The following FNBP1 variants were observed in gnomAD, a reference collection of about 807,000 sequenced individuals.
FNBP1 encodes the protein formin binding protein 1.
Under a neutral mutation model 90.6 loss-of-function variants are expected in FNBP1, and 26 were observed. That is an observed-to-expected ratio of 0.29 (90% confidence interval 0.21 to 0.40). The LOEUF is 0.40. Among genes scored for constraint, FNBP1 ranks in the 10% least tolerant of loss-of-function variants. The pLI, the probability that FNBP1 is intolerant of heterozygous loss-of-function variation, is 1.00. For missense variants in FNBP1, 635 were observed against 768.0 expected (o/e 0.83, Z 2.05); for synonymous variants, 260 against 265.2 (o/e 0.98, Z 0.19).
At chr9:130,025,106 G>A (rs2058216332) in intron 1 of FNBP1, among the ~76,000 whole-genome samples, 1 of 152,030 alleles carries the variant, frequency 6.6e-6, no homozygotes, top group South Asian at 2.1e-4. Context: ...CTTGAACCCA[G>A]AAGGTGGAGG....
At position 130,042,469 on chromosome 9, in the gene FNBP1, C is replaced by T. The variant is rs551362298; in HGVS notation, c.24+483G>A. ...AAAACCCGACCCCCGGCGCTCGCCC[C>T]GGCCGCCCCGCTCCCGGGGAAGTGC... On this transcript the variant is annotated intron_variant, in intron 1 of 16. Coordinates refer to ENST00000446176, the MANE Select transcript of FNBP1 (RefSeq NM_015033.3). The surrounding 1 kb of genome is among the most constrained non-coding windows in gnomAD (Gnocchi z 5.5). Among the ~76,000 whole-genome samples, 12 of 152,148 alleles carry T rather than the reference C, an allele frequency of 7.9e-5. No homozygotes were observed. The highest frequency in any genetic ancestry group is 2.9e-4 in the African/African-American group (12 of 41,532).
chr9:129,963,150 C>G (rs531160137), intron 4 of FNBP1, among the ~76,000 whole-genome samples: 1 of 152,132 alleles, frequency 6.6e-6, no homozygotes, highest in African/African-American at 2.4e-5. Flanking sequence ...TCGAGGTTGA[C>G]GATCTATCTC....
chr9:130,013,025 C>T (rs1385344146), intron 1 of FNBP1, among the ~76,000 whole-genome samples: 3 of 151,940 alleles, frequency 2.0e-5, no homozygotes, highest in Admixed American at 6.6e-5. Context: ...ATTCCGTTCA[C>T]GAAAAGATAG....
intron 6 of FNBP1, among the ~76,000 whole-genome samples, chr9:129,939,516 T>C (rs576377690): frequency 6.6e-6 from 1 of 152,312 alleles, no homozygotes; most frequent in South Asian, 2.1e-4. Context: ...TTCTTTTAGA[T>C]GGGAAATAAT....
intron 8 of FNBP1, 115 bp downstream of exon 8, chr9:129,927,080 C>T: frequency 9.6e-7 from 1 of 1,045,370 alleles, no homozygotes; most frequent in Non-Finnish European, 1.4e-6. Context: ...CATGTGTGAC[C>T]ACCAAAAGCA....
Position 129,900,179 on chromosome 9 carries a change from A to C in FNBP1, c.1551-78T>G. ...ACTCAGATTGAGTCCCTGCGACTGG[A>C]GAGCACTTGCAACCCCGCCCCTCAG... On this transcript the variant is annotated intron_variant, in intron 14 of 16. Transcript: ENST00000446176. This position sits in a 1 kb window ranked among gnomAD's most constrained non-coding sequence, Gnocchi z 4.1. 8 of 1,452,314 alleles carry C rather than the reference A, an allele frequency of 5.5e-6. 1 individual carries two copies. The South Asian group carries it at 1.2e-4, about 21-fold the overall frequency. 90.0% of individuals were successfully genotyped at this position (1,452,314 alleles called of 1,614,324 possible). A position where few individuals can be genotyped will look rare whatever the true frequency, so the allele number is the denominator to read the frequency against.
intron 4 of FNBP1, among the ~76,000 whole-genome samples, chr9:129,971,380 A>G (rs1408506670): frequency 1.3e-5 from 2 of 151,956 alleles, no homozygotes; most frequent in Non-Finnish European, 2.9e-5. Context: ...CCTATTTTAC[A>G]GTTAGATTTT....
At chr9:129,960,493 T>TG (rs773944854) in intron 4 of FNBP1, among the ~76,000 whole-genome samples, 210 of 152,076 alleles carry the variant, frequency 1.4e-3, no homozygotes, top group Admixed American at 4.4e-3. Context: ...CTGTTTTCAT[T>TG]ATTAGATTAT....
chr9:130,046,342 A>C (rs1040895834), upstream of FNBP1, among the ~76,000 whole-genome samples: 1 of 152,066 alleles, frequency 6.6e-6, no homozygotes, highest in African/African-American at 2.4e-5. Flanking sequence ...AGTAATGGTC[A>C]ATAGCTTAAT....
At chr9:130,033,057 C>CGTA (rs532680792) in intron 1 of FNBP1, among the ~76,000 whole-genome samples, 62 of 152,078 alleles carry the variant, frequency 4.1e-4, no homozygotes, top group Admixed American at 6.6e-4. Flanking sequence ...TCCTGCTTAC[C>CGTA]GCAGGAGAGT....
chr9:129,969,764 T>A (rs2049157337), intron 4 of FNBP1, among the ~76,000 whole-genome samples: 1 of 151,814 alleles, frequency 6.6e-6, no homozygotes, highest in Non-Finnish European at 1.5e-5. Context: ...AAAAAAAAAT[T>A]TTTTTTTAAA....
chr9:130,014,604 G>T (rs966029906), intron 1 of FNBP1, among the ~76,000 whole-genome samples: 5 of 151,934 alleles, frequency 3.3e-5, no homozygotes, highest in African/African-American at 1.2e-4. Context: ...GCATTTTACT[G>T]CTATTTTTGT....
At position 129,978,478 on chromosome 9, in the gene FNBP1, T is replaced by C; in HGVS notation, c.332A>G (p.Gln111Arg). The change falls in exon 4 of 17, where the codon CAG (glutamine) becomes CGG (arginine). Residue 111 changes from glutamine (Q) to arginine (R), a missense_variant. Gln to Arg is a conservative substitution (Grantham distance 43). Transcript: ENST00000446176. ...DLARYVQELK[Q>R]ERKSNFHDGR... is the part of the protein sequence containing the mutation. ...AGTTTTGCTTACTGATTTCCTCTCCTGTTTCAGTTCCTGAACATAGCGTGC... is the reference window on the plus strand; with the variant it reads ...AGTTTTGCTTACTGATTTCCTCTCCCGTTTCAGTTCCTGAACATAGCGTGC... 1.2e-6 allele frequency: 2 copies of C among 1,613,658 alleles called. No homozygotes were observed. Among genetic ancestry groups the C allele is most frequent in the Non-Finnish European group, 1.7e-6 (2 of 1,179,690 alleles).
At chr9:130,040,194 C>A (rs1160276740) in intron 1 of FNBP1, among the ~76,000 whole-genome samples, 2 of 152,118 alleles carry the variant, frequency 1.3e-5, no homozygotes, top group Non-Finnish European at 2.9e-5. Flanking sequence ...AGCTACTAAG[C>A]CTTATACATC....
At chr9:129,972,842 G>A (rs560660427) in intron 4 of FNBP1, among the ~76,000 whole-genome samples, 2 of 152,298 alleles carry the variant, frequency 1.3e-5, no homozygotes, top group Non-Finnish European at 2.9e-5. Flanking sequence ...CCCTGATCGA[G>A]AAGCTCTGGG....
At chr9:129,933,979 T>G (rs2043102982) in intron 6 of FNBP1, among the ~76,000 whole-genome samples, 1 of 152,232 alleles carries the variant, frequency 6.6e-6, no homozygotes, top group Non-Finnish European at 1.5e-5. Flanking sequence ...TATTTGACAA[T>G]GGAATTTAAG....
Position 129,957,320 on chromosome 9 carries a change from G to C in FNBP1, c.513+40C>G. ...CCCAAAGTGCTGGGATTACAGGCGT[G>C]AGCCACCGTGCCCGGCCCACACTTG... On this transcript the variant is annotated intron_variant, in intron 6 of 16. Coordinates refer to ENST00000446176, the MANE Select transcript of FNBP1 (RefSeq NM_015033.3). This position sits in a 1 kb window ranked among gnomAD's most constrained non-coding sequence, Gnocchi z 4.3. The C allele has an allele frequency of 7.0e-7, 1 of 1,438,578 alleles. No homozygotes were observed. The highest frequency in any genetic ancestry group is 2.3e-5 in the East Asian group (1 of 43,908). 89.1% of individuals were successfully genotyped at this position (1,438,578 alleles called of 1,614,324 possible).
At chr9:130,011,430 G>A (rs1368400530) in intron 1 of FNBP1, among the ~76,000 whole-genome samples, 1 of 151,678 alleles carries the variant, frequency 6.6e-6, no homozygotes, top group African/African-American at 2.4e-5. Flanking sequence ...AAGTCATGCT[G>A]GAACTTAACC....
At chr9:130,004,433 T>C (rs1458650045) in intron 1 of FNBP1, among the ~76,000 whole-genome samples, 1 of 152,182 alleles carries the variant, frequency 6.6e-6, no homozygotes, top group Non-Finnish European at 1.5e-5. Flanking sequence ...CAGTGAATTA[T>C]TCACCCAGTG....
Sources: allele counts gnomAD v4.1 joint callset (sites outside exome capture counted in the v4.1 genomes callset), GRCh38; gene constraint gnomAD v4.1.1; non-coding constraint Gnocchi (gnomAD v3.1); transcripts MANE v1.5; gene names NCBI Gene and HGNC (gene_info 2026-07-23, HGNC 2026-07-21).